The following FANCC variants were observed in gnomAD, a reference collection of about 807,000 sequenced individuals.
FANCC encodes the protein Fanconi anemia group C protein.
FANCC carries 55 observed loss-of-function variants against 71.3 expected under a neutral mutation model. That is an observed-to-expected ratio of 0.77 (90% CI 0.62 to 0.97). The LOEUF is 0.97. Among genes scored for constraint, FANCC ranks in the 50% least tolerant of loss-of-function variants. The pLI is 0.00. For missense variants in FANCC, 678 were observed against 670.9 expected (o/e 1.01, Z -0.12); for synonymous variants, 275 against 244.9 (o/e 1.12, Z -1.15).
intron 1 of FANCC, among the ~76,000 whole-genome samples, chr9:95,284,414 C>A (rs930453046): frequency 5.3e-5 from 8 of 152,148 alleles, no homozygotes; most frequent in African/African-American, 1.9e-4. Flanking sequence ...TAGTACGCAA[C>A]AAAATGACTG....
intron 4 of FANCC, among the ~76,000 whole-genome samples, chr9:95,200,781 A>G (rs1361361668): frequency 6.6e-6 from 1 of 152,216 alleles, no homozygotes; most frequent in Non-Finnish European, 1.5e-5. Context: ...CAAGTAACTT[A>G]TGCATATAAC....
chr9:95,303,261 A>G (rs779952547), intron 1 of FANCC, among the ~76,000 whole-genome samples: 1 of 152,368 alleles, frequency 6.6e-6, no homozygotes, highest in South Asian at 2.1e-4. Context: ...GTACCTATTG[A>G]CTATGGCATT....
At chr9:95,269,800 T>TG in intron 1 of FANCC, among the ~76,000 whole-genome samples, 1 of 152,148 alleles carries the variant, frequency 6.6e-6, no homozygotes, top group South Asian at 2.1e-4. Flanking sequence ...TACACACCTG[T>TG]GGGTGTTTCT....
At chr9:95,293,310 C>T in intron 1 of FANCC, 1 of 1,612,890 alleles carries the variant, frequency 6.2e-7, no homozygotes, top group African/African-American at 1.3e-5. Flanking sequence ...GACTCCTCAG[C>T]CCAGCCTGTG....
chr9:95,107,281 T>C lies in FANCC; in HGVS notation c.1330-12A>G. 1.2e-6 allele frequency: 2 copies of C among 1,612,730 alleles called. No individual in the cohort carries two copies. The highest frequency in any genetic ancestry group is 8.5e-7 in the Non-Finnish European group (1 of 1,179,554). On this transcript the variant is annotated splice_polypyrimidine_tract_variant and intron_variant, in intron 13 of 14. Coordinates refer to ENST00000289081, the MANE Select transcript of FANCC (RefSeq NM_000136.3). The stretch of plus-strand genomic sequence containing the variant: ...GCCTTCACCTGGACCTGGGCAATAG[T>C]ATTTCACAGGGGAGAGGTTAGGAAG...
chr9:95,111,148 T>G, intron 13 of FANCC: 1 of 1,534,844 alleles, frequency 6.5e-7, no homozygotes. Context: ...AGGGCACGCC[T>G]TGGAGGACGC....
At chr9:95,292,104 G>A (rs1326809034) in intron 1 of FANCC, among the ~76,000 whole-genome samples, 2 of 149,598 alleles carry the variant, frequency 1.3e-5, no homozygotes, top group Non-Finnish European at 3.0e-5. Context: ...AAACAGTAGA[G>A]TACTGACATA....
chr9:95,299,122 T>C (rs748493710), intron 1 of FANCC, among the ~76,000 whole-genome samples: 9 of 152,262 alleles, frequency 5.9e-5, no homozygotes, highest in Admixed American at 1.3e-4. Flanking sequence ...TTTAACTTTA[T>C]TTGAGCCTTA....
chr9:95,313,519 G>A (rs973138716), intron 1 of FANCC, among the ~76,000 whole-genome samples: 23 of 152,094 alleles, frequency 1.5e-4, no homozygotes, highest in Non-Finnish European at 1.9e-4. Context: ...ACGAACTGAT[G>A]ACTTTGTGAG....
chr9:95,176,243 C>A (rs923082104), intron 4 of FANCC, among the ~76,000 whole-genome samples: 1 of 152,224 alleles, frequency 6.6e-6, no homozygotes, highest in Admixed American at 6.5e-5. Flanking sequence ...CCTGTATCCA[C>A]TGTCCATGAG....
intron 6 of FANCC, among the ~76,000 whole-genome samples, chr9:95,161,485 G>A (rs1451417251): frequency 6.6e-6 from 1 of 152,192 alleles, no homozygotes; most frequent in African/African-American, 2.4e-5. Flanking sequence ...AGACCAAATT[G>A]TTCTGCAAAG....
chr9:95,110,521 C>T (rs905976787), intron 13 of FANCC: 2 of 1,030,674 alleles, frequency 1.9e-6, no homozygotes, highest in East Asian at 6.2e-5. Flanking sequence ...ATAATTTTTT[C>T]ACAAAGCTTT....
chr9:95,183,588 G>A (rs1464728136), intron 4 of FANCC, among the ~76,000 whole-genome samples: 4 of 152,184 alleles, frequency 2.6e-5, no homozygotes, highest in Admixed American at 2.0e-4. Flanking sequence ...AGAATACTGG[G>A]AAAACATGAC....
intron 1 of FANCC, among the ~76,000 whole-genome samples, chr9:95,258,824 T>C (rs1448941952): frequency 6.6e-6 from 1 of 152,224 alleles, no homozygotes; most frequent in African/African-American, 2.4e-5. Flanking sequence ...CTTAAGCTGA[T>C]AAGCAGCTTC....
intron 8 of FANCC, chr9:95,126,922 T>A (rs954367703): frequency 6.5e-5 from 21 of 322,790 alleles, no homozygotes; most frequent in Admixed American, 1.3e-4. Context: ...CTGCCTGTAC[T>A]GCCAGTTCTA....
intron 1 of FANCC, among the ~76,000 whole-genome samples, chr9:95,254,557 C>T (rs562260139): frequency 3.3e-5 from 5 of 152,236 alleles, no homozygotes; most frequent in East Asian, 1.9e-4. Context: ...ACAGACACTA[C>T]GCTTTTCCCA....
intron 4 of FANCC, among the ~76,000 whole-genome samples, chr9:95,220,045 A>C (rs1347301225): frequency 6.6e-6 from 1 of 152,252 alleles, no homozygotes; most frequent in South Asian, 2.1e-4. Context: ...ACCCCATCAA[A>C]AAGTGGGCAA....
At chr9:95,204,887 C>G (rs1355876238) in intron 4 of FANCC, among the ~76,000 whole-genome samples, 1 of 152,082 alleles carries the variant, frequency 6.6e-6, no homozygotes, top group Admixed American at 6.6e-5. Flanking sequence ...CAGAATGGAA[C>G]GTACCATAGA....
chr9:95,231,695 AAC>A (rs1830019947), intron 4 of FANCC, among the ~76,000 whole-genome samples: 1 of 152,220 alleles, frequency 6.6e-6, no homozygotes, highest in Non-Finnish European at 1.5e-5. Context: ...AAGTGTGGAG[AAC>A]AGAGTTCGTG....
Sources: allele counts gnomAD v4.1 joint callset (sites outside exome capture counted in the v4.1 genomes callset), GRCh38; gene constraint gnomAD v4.1.1; transcripts MANE v1.5; gene names NCBI Gene and HGNC (gene_info 2026-07-23, HGNC 2026-07-21).